Variants in MBD6 observed in about 807,000 individuals in gnomAD.
MBD6 encodes the protein methyl-CpG-binding domain protein 6.
In MBD6, 22 loss-of-function variants were observed where a neutral mutation model predicts 66.8. The observed-to-expected ratio is 0.33, with a 90% CI of 0.24 to 0.47. MBD6 has a LOEUF of 0.47. MBD6 is among the 20% of genes least tolerant of loss of function. The pLI, the probability that MBD6 is intolerant of heterozygous loss-of-function variation, is 1.00. For synonymous variants in MBD6, 540 were observed against 534.6 expected, an observed-to-expected ratio of 1.01 and a Z score of -0.14; for missense variants, 1,322 against 1,286.9, an observed-to-expected ratio of 1.03 and a Z score of -0.42.
chr12:57,523,028 G>GCCCCCCCCACCCTGCCCCT lies in MBD6; in HGVS notation c.-89+23_-89+41dup, dbSNP rs1878511012. The GCCCCCCCCACCCTGCCCCT allele has an allele frequency of 7.5e-6, 1 of 133,432 alleles. No individual in the cohort carries two copies. Among genetic ancestry groups the GCCCCCCCCACCCTGCCCCT allele is most frequent in the Admixed American group, 7.3e-5 (1 of 13,686 alleles). The allele number at this position is 133,432 out of a possible 1,614,324, so 8.3% of individuals were successfully genotyped here. On this transcript the variant is annotated intron_variant, in intron 1 of 12. Coordinates refer to ENST00000355673, the MANE Select transcript of MBD6 (RefSeq NM_052897.4). The stretch of plus-strand genomic sequence containing the variant: ...TGGGCCGCGGTGAGTGCGGGGCCCG[G>GCCCCCCCCACCCTGCCCCT]CCCCCCCCACCCTGCCCCTCCCCCT...
chr12:57,530,657 G>A, downstream of MBD6: 1 of 1,564,942 alleles, frequency 6.4e-7, no homozygotes, highest in Non-Finnish European at 8.8e-7. Context: ...CAGGGGTAGG[G>A]ATAACCCCTG....
At position 57,526,813 on chromosome 12, in the gene MBD6, C is replaced by A. The variant is rs1195916118; in HGVS notation, c.1668C>A (p.Leu556=). The stretch of plus-strand genomic sequence containing the variant: ...GGCAGCCTCCACCTTCTCCATTGCT[C>A]AACCACAGTTTATTTGGTGTGCTGA... The part of the protein sequence containing the change: ...SLGQPPPSPL[L]NHSLFGVLTG... Residue 556 remains leucine (L), a synonymous_variant, in exon 7 of 13, where the codon CTC becomes CTA. Coordinates refer to ENST00000355673, the MANE Select transcript of MBD6 (RefSeq NM_052897.4). 1 of 1,612,368 alleles carries A rather than the reference C, an allele frequency of 6.2e-7. No individual in the cohort carries two copies. The highest frequency in any genetic ancestry group is 1.3e-5 in the African/African-American group (1 of 74,896).
intron 4 of MBD6, 39 bp downstream of exon 4, chr12:57,524,861 G>A: frequency 1.2e-6 from 2 of 1,613,456 alleles, no homozygotes; most frequent in Non-Finnish European, 8.5e-7. Context: ...ACAGAGATAA[G>A]CTAAAAGTCT....
upstream of MBD6, chr12:57,520,766 C>G (rs112131788): frequency 1.3e-4 from 7 of 53,634 alleles, 2 homozygotes; most frequent in African/African-American, 5.7e-4. Flanking sequence ...TGCGCGCGCG[C>G]GGAGGGGAGT....
Position 57,527,863 on chromosome 12 carries a change from T to G in MBD6, c.2252T>G (p.Leu751Arg). 6.2e-7 allele frequency: 1 copy of G among 1,613,606 alleles called. No homozygotes were observed. The highest frequency in any genetic ancestry group is 8.5e-7 in the Non-Finnish European group (1 of 1,179,964). Residue 751 changes from leucine to arginine, a missense_variant, in exon 9 of 13, where the codon CTG (leucine) becomes CGG (arginine). Leu to Arg is a moderately radical substitution (Grantham distance 102). Transcript: ENST00000355673. ...GASLLGDLSS[L>R]TSSPGALPSL... is the part of the protein sequence containing the mutation. ...TTCTCAACAGGTGACCTGTCTTCAC[T>G]GACCAGCAGCCCTGGAGCCCTCCCC... is the stretch of plus-strand genomic sequence containing the variant.
chr12:57,527,608 C>G lies in MBD6; in HGVS notation c.2184C>G (p.Asn728Lys). Reference sequence around the variant, plus strand: ...CCTCTCTGGGCAAGGCCCCCTCCAACTCAGGGAGACCCCCCCAACTCCTTA... The same window carrying G: ...CCTCTCTGGGCAAGGCCCCCTCCAAGTCAGGGAGACCCCCCCAACTCCTTA... ...GASSLGKAPS[N>K]SGRPPQLLSP... Residue 728 changes from asparagine to lysine, a missense_variant, in exon 8 of 13, where the codon AAC becomes AAG. Asn to Lys is a moderately conservative substitution (Grantham distance 94). Transcript: ENST00000355673. 1 of 1,613,272 alleles carries G rather than the reference C, an allele frequency of 6.2e-7. No homozygotes were observed.
chr12:57,526,453 G>C (rs1878962713), intron 6 of MBD6, 65 bp downstream of exon 6: 1 of 1,526,374 alleles, frequency 6.6e-7, no homozygotes, highest in African/African-American at 1.4e-5. Context: ...GCATTTAGGG[G>C]AATGTTCAGA....
chr12:57,524,318 T>G lies in MBD6; in HGVS notation c.15T>G (p.Asn5Lys). Residue 5 changes from asparagine to lysine, a missense_variant, in exon 3 of 13, where the codon AAT becomes AAG. Asn to Lys is a moderately conservative substitution (Grantham distance 94, BLOSUM62 0). Coordinates refer to ENST00000355673, the MANE Select transcript of MBD6 (RefSeq NM_052897.4). MNGG[N>K]ESSGADRAGG... The stretch of plus-strand genomic sequence containing the variant: ...GATTACACACAATGAATGGGGGCAA[T>G]GAGAGCAGTGGAGCAGACAGAGCTG... The G allele has an allele frequency of 6.4e-7, 1 of 1,565,736 alleles. No homozygotes were observed. The highest frequency in any genetic ancestry group is 8.6e-7 in the Non-Finnish European group (1 of 1,159,330).
At chr12:57,529,089 A>C in intron 12 of MBD6, 71 bp from the exon 13 acceptor site, 1 of 1,612,942 alleles carries the variant, frequency 6.2e-7, no homozygotes, top group South Asian at 1.1e-5. Flanking sequence ...GGTTAGAGGG[A>C]GTGGGGAGAA....
At position 57,525,406 on chromosome 12, in the gene MBD6, C is replaced by T; in HGVS notation, c.438C>T (p.Arg146=). Residue 146 remains arginine (R), a synonymous_variant, in exon 6 of 13, where the codon CGC becomes CGT. Coordinates refer to ENST00000355673, the MANE Select transcript of MBD6 (RefSeq NM_052897.4). ...HTVSPGPPSA[R]PPCRVPPTTP... Reference sequence around the variant, plus strand: ...TGTCCCCAGGGCCCCCCTCTGCCCGCCCTCCCTGTCGAGTTCCTCCTACAA... The same window carrying T: ...TGTCCCCAGGGCCCCCCTCTGCCCGTCCTCCCTGTCGAGTTCCTCCTACAA... 6.5e-7 allele frequency: 1 copy of T among 1,542,074 alleles called. No homozygotes were observed. Among genetic ancestry groups the T allele is most frequent in the Non-Finnish European group, 8.7e-7 (1 of 1,151,256 alleles).
rs1879502130 is a variant in MBD6 at position 57,530,126 on chromosome 12, G to C, written c.*892G>C. 6.6e-6 allele frequency: 1 copy of C among 152,494 alleles called. No individual in the cohort carries two copies. The highest frequency in any genetic ancestry group is 2.4e-5 in the African/African-American group (1 of 41,440). 9.4% of individuals were successfully genotyped at this position (152,494 alleles called of 1,614,324 possible). A position where few individuals can be genotyped will look rare whatever the true frequency, so the allele number is the denominator to read the frequency against. On this transcript the variant is annotated 3_prime_UTR_variant, in exon 13 of 13. Transcript: ENST00000355673. Reference sequence around the variant, plus strand: ...TATGGGAGACACTCTTAATTTAACAGATGAGAATATTTTGAAACTCTGGCT... The same window carrying C: ...TATGGGAGACACTCTTAATTTAACACATGAGAATATTTTGAAACTCTGGCT...
rs1297151999 is a variant in MBD6 at position 57,528,534 on chromosome 12, C to T, written c.2794C>T (p.Pro932Ser). 6.2e-7 allele frequency: 1 copy of T among 1,611,704 alleles called. No homozygotes were observed. The highest frequency in any genetic ancestry group is 1.7e-5 in the Admixed American group (1 of 59,858). The part of the protein sequence containing the change: ...GGAEPKDPPP[P>S]GPHSEDLKVP... ...TGCTGAGCCCAAGGATCCACCCCCT[C>T]CCGGGCCCCATTCTGAGGACCTTAA... The change falls in exon 10 of 13, where the codon CCC becomes TCC. Residue 932 changes from proline to serine, a missense_variant. Transcript: ENST00000355673.
chr12:57,526,378 C>T lies in MBD6; in HGVS notation c.1410C>T (p.Ser470=). Residue 470 remains serine (S), a synonymous_variant, in exon 6 of 13, where the codon AGC becomes AGT. Transcript: ENST00000355673. ...SLPGTTSGSL[S]SVPGAPAPPA... is the part of the protein sequence containing the mutation. ...CTGGGACCACCAGTGGCAGCCTCAG[C>T]AGTGTGCCAGGTATGTGAGTATTGT... The T allele has an allele frequency of 1.3e-6, 2 of 1,591,236 alleles. No homozygotes were observed. The highest frequency in any genetic ancestry group is 1.7e-6 in the Non-Finnish European group (2 of 1,168,252).
rs901057130 is a variant in MBD6 at position 57,529,381 on chromosome 12, A to G, written c.*147A>G. The G allele has an allele frequency of 1.6e-6, 1 of 631,198 alleles. No homozygotes were observed. The highest frequency in any genetic ancestry group is 1.9e-5 in the African/African-American group (1 of 53,030). 39.1% of individuals were successfully genotyped at this position (631,198 alleles called of 1,614,324 possible). A position where few individuals can be genotyped will look rare whatever the true frequency, so the allele number is the denominator to read the frequency against. On this transcript the variant is annotated 3_prime_UTR_variant, in exon 13 of 13. Transcript: ENST00000355673. ...CACAAATGCAACTCCTTCCCCTACA[A>G]TCCCATCCTGAGCCATTGCAGGGGG...
chr12:57,530,825 C>T (rs1480793439), downstream of MBD6: 3 of 1,447,344 alleles, frequency 2.1e-6, no homozygotes, highest in African/African-American at 4.2e-5. Context: ...AGTTGCTTAA[C>T]TGGATGAGGA....
Position 57,528,169 on chromosome 12 carries a change from C to T in MBD6, c.2429C>T (p.Ala810Val), listed in dbSNP as rs765260590. The change falls in exon 10 of 13, where the codon GCC becomes GTC. Residue 810 changes from alanine to valine, a missense_variant. By Grantham distance (64) the Ala-to-Val change is moderately conservative (BLOSUM62 0). Coordinates refer to ENST00000355673, the MANE Select transcript of MBD6 (RefSeq NM_052897.4). ...SLQIPPEQPE[A>V]PCLPPESPAS... ...CAGATCCCTCCAGAGCAGCCAGAAG[C>T]CCCCTGTCTACCCCCCGAGAGCCCT... The T allele has an allele frequency of 1.2e-6, 2 of 1,605,218 alleles. No individual in the cohort carries two copies. The highest frequency in any genetic ancestry group is 2.2e-5 in the South Asian group (2 of 90,594).
At chr12:57,524,526 T>G in intron 3 of MBD6, 110 bp downstream of exon 3, 2 of 1,118,272 alleles carry the variant, frequency 1.8e-6, no homozygotes, top group Non-Finnish European at 2.6e-6. Flanking sequence ...TCTCCTCTCT[T>G]CCCCTTCCTT....
chr12:57,528,786 C>G, intron 11 of MBD6, 68 bp downstream of exon 11: 1 of 1,606,036 alleles, frequency 6.2e-7, no homozygotes, highest in Middle Eastern at 1.7e-4. Context: ...GTTCTAATGT[C>G]CAAATAGTGG....
intron 7 of MBD6, 36 bp from the exon 8 acceptor site, chr12:57,527,471 A>G: frequency 6.2e-7 from 1 of 1,609,070 alleles, no homozygotes; most frequent in Non-Finnish European, 8.5e-7. Context: ...TGAGTATTTT[A>G]CACGCGTAAG....
Sources: gnomAD v4.1 joint callset for allele counts on GRCh38, gnomAD v4.1.1 for gene constraint, MANE v1.5 for transcripts, NCBI Gene and HGNC (gene_info 2026-07-23, HGNC 2026-07-21) for gene names.